Variants in KCTD8 observed in about 807,000 individuals in gnomAD.
The protein encoded by KCTD8 is BTB/POZ domain-containing protein KCTD8.
KCTD8 carries 27 observed loss-of-function variants against 31.5 expected under a neutral mutation model. The ratio of observed to expected loss-of-function variants is 0.86; its 90% CI spans 0.63 to 1.18. KCTD8 has a LOEUF of 1.18. Ranked by LOEUF, KCTD8 falls within the 50% of genes most tolerant of loss-of-function variation. KCTD8 has a pLI of 0.00. For missense variants in KCTD8, 658 were observed against 647.7 expected (o/e 1.02, Z -0.17); for synonymous variants, 290 against 280.0 (o/e 1.04, Z -0.36).
chr4:44,384,679 A>G (rs1720161922), intron 1 of KCTD8, among the ~76,000 whole-genome samples: 1 of 151,842 alleles, frequency 6.6e-6, no homozygotes, highest in African/African-American at 2.4e-5. Flanking sequence ...ATGCATAACT[A>G]CAACTAGATA....
chr4:44,217,285 A>G (rs912018109), intron 1 of KCTD8, among the ~76,000 whole-genome samples: 3 of 152,176 alleles, frequency 2.0e-5, no homozygotes, highest in African/African-American at 7.2e-5. Context: ...AAATAAAGGA[A>G]TCTCTTGTAT....
intron 1 of KCTD8, among the ~76,000 whole-genome samples, chr4:44,335,566 A>T (rs1266319170): frequency 6.6e-6 from 1 of 152,172 alleles, no homozygotes; most frequent in Non-Finnish European, 1.5e-5. Flanking sequence ...AAATTTAAAA[A>T]TTTTTAAATA....
At chr4:44,413,153 A>G (rs1351541961) in intron 1 of KCTD8, among the ~76,000 whole-genome samples, 1 of 152,214 alleles carries the variant, frequency 6.6e-6, no homozygotes, top group African/African-American at 2.4e-5. Flanking sequence ...CAGTGCCCAC[A>G]TATTGCATCA....
intron 1 of KCTD8, among the ~76,000 whole-genome samples, chr4:44,439,677 T>G (rs1247287348): frequency 6.6e-6 from 1 of 152,146 alleles, no homozygotes; most frequent in East Asian, 1.9e-4. Flanking sequence ...ATCCTTACTT[T>G]TACAGATACC....
chr4:44,435,693 C>G (rs1173675476), intron 1 of KCTD8, among the ~76,000 whole-genome samples: 1 of 151,958 alleles, frequency 6.6e-6, no homozygotes, highest in Non-Finnish European at 1.5e-5. Flanking sequence ...GTAGGTATTT[C>G]AATAAAAATT....
intron 1 of KCTD8, among the ~76,000 whole-genome samples, chr4:44,428,488 G>A (rs568820914): frequency 1.3e-5 from 2 of 151,738 alleles, no homozygotes; most frequent in Admixed American, 6.6e-5. Flanking sequence ...CCTCACACAT[G>A]AGTGAGGAAA....
chr4:44,445,345 G>T (rs10938344), intron 1 of KCTD8, among the ~76,000 whole-genome samples: 69,973 of 151,902 alleles, frequency 0.46, 18,609 homozygotes, highest in Middle Eastern at 0.63. Context: ...ATTTAATCTG[G>T]AATTGCATAT....
intron 1 of KCTD8, among the ~76,000 whole-genome samples, chr4:44,321,450 G>A (rs999450666): frequency 4.6e-5 from 7 of 152,012 alleles, no homozygotes; most frequent in Admixed American, 2.0e-4. Context: ...ACTGTTTTCC[G>A]TGTTTTAGTT....
At chr4:44,444,100 C>T (rs1300544372) in intron 1 of KCTD8, among the ~76,000 whole-genome samples, 1 of 152,056 alleles carries the variant, frequency 6.6e-6, no homozygotes, top group Admixed American at 6.5e-5. Context: ...GTTCATGTAG[C>T]CAAATAAAGC....
intron 1 of KCTD8, among the ~76,000 whole-genome samples, chr4:44,263,393 G>A (rs553394347): frequency 6.6e-6 from 1 of 152,228 alleles, no homozygotes; most frequent in South Asian, 2.1e-4. Flanking sequence ...TAATGAGGTT[G>A]CCTCTGGGAG....
intron 1 of KCTD8, among the ~76,000 whole-genome samples, chr4:44,338,179 G>A (rs1718805799): frequency 6.6e-6 from 1 of 151,952 alleles, no homozygotes; most frequent in Admixed American, 6.5e-5. Context: ...TAGAGATGAT[G>A]TGTATTTTCT....
At chr4:44,250,710 A>G (rs752199338) in intron 1 of KCTD8, among the ~76,000 whole-genome samples, 4 of 151,738 alleles carry the variant, frequency 2.6e-5, no homozygotes, top group Non-Finnish European at 5.9e-5. Flanking sequence ...AATTTTCTGG[A>G]TGTACCCTTG....
chr4:44,197,043 C>A lies in KCTD8; in HGVS notation c.962-21793G>T, dbSNP rs543696437. Among the ~76,000 whole-genome samples, 178 of 152,276 alleles carry A rather than the reference C, an allele frequency of 1.2e-3. 2 individuals carry two copies. Among genetic ancestry groups the A allele is most frequent in the Non-Finnish European group, 7.8e-4 (53 of 68,018 alleles). On this transcript the variant is annotated intron_variant, in intron 1 of 1. Transcript: ENST00000360029. ...CTAGCTTGGGCTTCCAGCTCAGTGA[C>A]CCTACCCCTGCCTGAATACTGTGGT...
chr4:44,413,005 G>T (rs559395354), intron 1 of KCTD8, among the ~76,000 whole-genome samples: 1 of 152,088 alleles, frequency 6.6e-6, no homozygotes, highest in Non-Finnish European at 1.5e-5. Flanking sequence ...CCTGTGAGAT[G>T]AATATATAAT....
chr4:44,192,360 G>T (rs1713789100), intron 1 of KCTD8, among the ~76,000 whole-genome samples: 1 of 151,870 alleles, frequency 6.6e-6, no homozygotes, highest in Admixed American at 6.6e-5. Flanking sequence ...GCTAGGATGG[G>T]TATTATTTAG....
Position 44,174,811 on chromosome 4 carries a change from C to G in KCTD8, c.1401G>C (p.Leu467=). 1 of 1,608,838 alleles carries G rather than the reference C, an allele frequency of 6.2e-7. No homozygotes were observed. The highest frequency in any genetic ancestry group is 8.5e-7 in the Non-Finnish European group (1 of 1,177,258). ...ATTACTATAACCCATACTTCTGCAA[C>G]AGTTCAGATTGCCATTGGCGTTTGC... The part of the protein sequence containing the change: ...PERKRQWQSE[L]LQKYGL Residue 467 remains leucine, a synonymous_variant, in exon 2 of 2, where the codon CTG becomes CTC. Transcript: ENST00000360029.
chr4:44,184,191 TAA>T (rs1713512269), intron 1 of KCTD8, among the ~76,000 whole-genome samples: 1 of 152,056 alleles, frequency 6.6e-6, no homozygotes, highest in Non-Finnish European at 1.5e-5. Context: ...AGGAGTAAAA[TAA>T]AAAGAGGCTG....
At chr4:44,367,743 A>G (rs1447359791) in intron 1 of KCTD8, among the ~76,000 whole-genome samples, 1 of 152,126 alleles carries the variant, frequency 6.6e-6, no homozygotes, top group Non-Finnish European at 1.5e-5. Context: ...CTTTTTAAAT[A>G]TCTTTCCAGC....
At chr4:44,342,309 C>T (rs1371883772) in intron 1 of KCTD8, among the ~76,000 whole-genome samples, 1 of 142,918 alleles carries the variant, frequency 7.0e-6, no homozygotes, top group Non-Finnish European at 1.5e-5. Context: ...GCGGAGATTG[C>T]AGTGAGCCAA....
Sources: allele counts gnomAD v4.1 joint callset (sites outside exome capture counted in the v4.1 genomes callset), GRCh38; gene constraint gnomAD v4.1.1; transcripts MANE v1.5; gene names NCBI Gene and HGNC (gene_info 2026-07-23, HGNC 2026-07-21).